Variants in PDE8B observed in about 807,000 individuals in gnomAD.
PDE8B encodes high affinity cAMP-specific and IBMX-insensitive 3',5'-cyclic phosphodiesterase 8B.
Under a neutral mutation model 101.3 loss-of-function variants are expected in PDE8B, and 26 were observed. The observed-to-expected ratio is 0.26, with a 90% CI of 0.19 to 0.36. The LOEUF (loss-of-function observed/expected upper bound fraction) is 0.36. Ranked by LOEUF, PDE8B falls within the 10% of genes least tolerant of loss-of-function variation. PDE8B has a pLI of 1.00. For synonymous variants in PDE8B, 424 were observed against 429.3 expected, an observed-to-expected ratio of 0.99 and a Z score of 0.15; for missense variants, 810 against 1,163.1, an observed-to-expected ratio of 0.70 and a Z score of 4.42.
chr5:77,260,480 A>G (rs1561431675), intron 1 of PDE8B, among the ~76,000 whole-genome samples: 1 of 152,182 alleles, frequency 6.6e-6, no homozygotes, highest in African/African-American at 2.4e-5. Flanking sequence ...CAATTAGGAA[A>G]TAGCAAATAT....
chr5:77,148,161 C>T, the PDE8B span: 1 of 152,180 alleles, frequency 6.6e-6, no homozygotes, highest in Non-Finnish European at 1.5e-5. Context: ...CTACAATTGT[C>T]TCATTTGTCT....
chr5:77,338,712 A>C (rs2150349040), intron 6 of PDE8B, among the ~76,000 whole-genome samples: 2 of 152,334 alleles, frequency 1.3e-5, no homozygotes, highest in South Asian at 4.1e-4. Context: ...TGAAGGTTAA[A>C]AGACTTAGTA....
chr5:77,281,486 A>T (rs1384217340), intron 1 of PDE8B, among the ~76,000 whole-genome samples: 2 of 152,192 alleles, frequency 1.3e-5, no homozygotes, highest in African/African-American at 2.4e-5. Flanking sequence ...CTAGGGCAGA[A>T]ATCACTCTTG....
Position 77,426,840 on chromosome 5 carries a change from T to C in PDE8B, c.*286T>C, listed in dbSNP as rs1435340395. The C allele has an allele frequency of 5.1e-6, 2 of 389,356 alleles. No individual in the cohort carries two copies. Among genetic ancestry groups the C allele is most frequent in the African/African-American group, 4.1e-5 (2 of 48,260 alleles). 24.1% of individuals were successfully genotyped at this position (389,356 alleles called of 1,614,324 possible). A position where few individuals can be genotyped will look rare whatever the true frequency, so the allele number is the denominator to read the frequency against. On this transcript the variant is annotated 3_prime_UTR_variant, in exon 22 of 22. Coordinates refer to ENST00000264917, the MANE Select transcript of PDE8B (RefSeq NM_003719.5). The stretch of plus-strand genomic sequence containing the variant: ...ACCCTTGTCAATCCATGGAGCTGGT[T>C]CACTGTAACTAGCAGGCCACAGGAA...
At chr5:77,284,124 C>T (rs145628133) in intron 1 of PDE8B, among the ~76,000 whole-genome samples, 60 of 152,278 alleles carry the variant, frequency 3.9e-4, no homozygotes, top group African/African-American at 1.3e-3. Flanking sequence ...ATCTGTGTAT[C>T]TTCTTTGGTG....
At chr5:77,363,585 G>A (rs1417008972) in intron 10 of PDE8B, among the ~76,000 whole-genome samples, 1 of 152,008 alleles carries the variant, frequency 6.6e-6, no homozygotes, top group Non-Finnish European at 1.5e-5. Flanking sequence ...GGTGGCGGGT[G>A]CCTGTAATCC....
chr5:77,427,646 CAGTAAATA>C lies in PDE8B; in HGVS notation c.*1093_*1100del, dbSNP rs1798385963. On this transcript the variant is annotated 3_prime_UTR_variant, in exon 22 of 22. Transcript: ENST00000264917. Reference sequence around the variant, plus strand: ...ATCAGAAAATAGGCATATGGGGAGGCAGTAAATACTATTTTAAGCTATTAATTGTATGC... The same window carrying C: ...ATCAGAAAATAGGCATATGGGGAGGCCTATTTTAAGCTATTAATTGTATGC... 2.6e-5 allele frequency: 4 copies of C among 152,104 alleles called. No individual in the cohort carries two copies. Among genetic ancestry groups the C allele is most frequent in the Non-Finnish European group, 4.4e-5 (3 of 68,024 alleles). 9.4% of individuals were successfully genotyped at this position (152,104 alleles called of 1,614,324 possible).
At chr5:77,130,859 C>T in the PDE8B span, among the ~76,000 whole-genome samples, 7 of 152,274 alleles carry the variant, frequency 4.6e-5, no homozygotes, top group East Asian at 9.7e-4. Flanking sequence ...ATTATGGACA[C>T]ATATTGCTAT....
At chr5:77,185,524 A>G in the PDE8B span, among the ~76,000 whole-genome samples, 1 of 152,164 alleles carries the variant, frequency 6.6e-6, no homozygotes, top group Non-Finnish European at 1.5e-5. Context: ...CTCCAAATAC[A>G]GTTACATTCT....
chr5:77,303,109 T>G (rs1320562854), intron 1 of PDE8B, among the ~76,000 whole-genome samples: 1 of 152,206 alleles, frequency 6.6e-6, no homozygotes, highest in Admixed American at 6.5e-5. Context: ...TCCATTAATG[T>G]TAACACCAAA....
chr5:77,311,815 A>G (rs879113430), intron 1 of PDE8B, among the ~76,000 whole-genome samples, 179 bp from the exon 2 acceptor site: 3 of 151,454 alleles, frequency 2.0e-5, no homozygotes, highest in South Asian at 4.2e-4. Flanking sequence ...TTTTTTTAAT[A>G]CAAAAACAGG....
chr5:77,413,651 T>A (rs1794978634), intron 17 of PDE8B, among the ~76,000 whole-genome samples: 1 of 152,196 alleles, frequency 6.6e-6, no homozygotes, highest in African/African-American at 2.4e-5. Context: ...ACTAGATCTA[T>A]AGGTTAAATT....
the PDE8B span, among the ~76,000 whole-genome samples, chr5:77,109,927 G>GTTTTTTTTTT: frequency 1.9e-4 from 13 of 67,264 alleles, 2 homozygotes; most frequent in African/African-American, 2.9e-4. Flanking sequence ...TTGTATTTCA[G>GTTTTTTTTTT]TTTTTTTTTT....
chr5:77,325,579 G>A lies in PDE8B; in HGVS notation c.440G>A (p.Gly147Asp). The A allele has an allele frequency of 1.9e-6, 3 of 1,614,142 alleles. No individual in the cohort carries two copies. Among genetic ancestry groups the A allele is most frequent in the Non-Finnish European group, 2.5e-6 (3 of 1,179,982 alleles). Residue 147 changes from glycine (G) to aspartate (D), a missense_variant, in exon 3 of 22, where the codon GGC becomes GAC. Gly to Asp is a moderately conservative substitution (Grantham distance 94). Transcript: ENST00000264917. Reference sequence around the variant, plus strand: ...GCAAAGGAAGATAGTCAGAGCGATGGCTTCTGGTGGGCCTGCGACAGAGCT... The same window carrying A: ...GCAAAGGAAGATAGTCAGAGCGATGACTTCTGGTGGGCCTGCGACAGAGCT... ...IFAKEDSQSD[G>D]FWWACDRAGY...
At position 77,340,780 on chromosome 5, in the gene PDE8B, T is replaced by C. The variant is rs1022680704; in HGVS notation, c.797+3465T>C. On this transcript the variant is annotated intron_variant, in intron 6 of 21. Coordinates refer to ENST00000264917, the MANE Select transcript of PDE8B (RefSeq NM_003719.5). ...CAGCATGTTGGTGGCAGTGGTGGAG[T>C]AGAATCCAGGCATCCTGCTTTTTCA... Among the ~76,000 whole-genome samples, 5 of 152,030 alleles carry C rather than the reference T, an allele frequency of 3.3e-5. No individual in the cohort carries two copies. In the East Asian group the frequency reaches 7.7e-4, roughly 23 times the overall value.
chr5:77,240,978 T>C (rs1755651587), intron 1 of PDE8B, among the ~76,000 whole-genome samples: 2 of 152,242 alleles, frequency 1.3e-5, no homozygotes, highest in African/African-American at 4.8e-5. Context: ...CTATTCATTT[T>C]AGTAACACAT....
chr5:77,220,163 C>A (rs1750780875), intron 1 of PDE8B, among the ~76,000 whole-genome samples: 2 of 152,188 alleles, frequency 1.3e-5, no homozygotes, highest in Admixed American at 1.3e-4. Flanking sequence ...TGCTGCCCTG[C>A]CCTTCTTCTC....
intron 10 of PDE8B, chr5:77,358,515 A>G (rs1360618445): frequency 7.6e-6 from 6 of 785,114 alleles, no homozygotes; most frequent in African/African-American, 5.6e-5. Context: ...CCTCCTATGT[A>G]TGCCCCATAG....
chr5:77,246,896 C>G (rs1423483199), intron 1 of PDE8B: 1 of 152,192 alleles, frequency 6.6e-6, no homozygotes, highest in African/African-American at 2.4e-5. Flanking sequence ...ACCTGTGTGA[C>G]CTTAACTCCA....
Sources: gnomAD v4.1 joint callset for allele counts (sites outside exome capture counted in the v4.1 genomes callset) on GRCh38, gnomAD v4.1.1 for gene constraint, MANE v1.5 for transcripts, NCBI Gene and HGNC (gene_info 2026-07-23, HGNC 2026-07-21) for gene names.